The following LIN52 variants were observed in gnomAD, a reference collection of about 807,000 sequenced individuals.
The protein encoded by LIN52 is lin-52 DREAM MuvB core complex component.
Under a neutral mutation model 18.5 loss-of-function variants are expected in LIN52, and 4 were observed. The ratio of observed to expected loss-of-function variants is 0.22; its 90% CI spans 0.11 to 0.49. LIN52 has a LOEUF of 0.49. Among genes scored for constraint, LIN52 ranks in the 20% least tolerant of loss-of-function variants. The probability of loss-of-function intolerance (pLI) is 0.97; values close to 1 mark genes in which losing one functional copy is unlikely to be tolerated. For missense variants in LIN52, 102 were observed against 139.5 expected, an observed-to-expected ratio of 0.73 and a Z score of 1.35; for synonymous variants, 34 against 45.5, an observed-to-expected ratio of 0.75 and a Z score of 1.02.
At chr14:74,093,469 G>A (rs963774478) in intron 2 of LIN52, among the ~76,000 whole-genome samples, 3 of 151,676 alleles carry the variant, frequency 2.0e-5, no homozygotes, top group Non-Finnish European at 4.4e-5. Flanking sequence ...GGGATCACAG[G>A]TGCATGCCAC....
chr14:74,098,734 GATGGGGT>G (rs2060832706), intron 4 of LIN52, among the ~76,000 whole-genome samples: 1 of 152,006 alleles, frequency 6.6e-6, no homozygotes, highest in African/African-American at 2.4e-5. Flanking sequence ...TTTTAGTAGA[GATGGGGT>G]TTCACCATGT....
chr14:74,133,425 G>T (rs1236129253), intron 5 of LIN52, among the ~76,000 whole-genome samples: 2 of 152,106 alleles, frequency 1.3e-5, no homozygotes, highest in Non-Finnish European at 2.9e-5. Context: ...TATTATTTAA[G>T]AAATAGATAT....
chr14:74,091,641 G>A (rs1039595876), intron 2 of LIN52, among the ~76,000 whole-genome samples: 7 of 151,862 alleles, frequency 4.6e-5, no homozygotes, highest in Non-Finnish European at 8.8e-5. Flanking sequence ...GGATGTGGTG[G>A]CACACACCTG....
intron 1 of LIN52, among the ~76,000 whole-genome samples, chr14:74,088,388 C>G (rs924474009): frequency 3.3e-5 from 5 of 151,898 alleles, no homozygotes; most frequent in African/African-American, 1.2e-4. Context: ...ACCATGCCCC[C>G]ACCTTATTAT....
intron 5 of LIN52, among the ~76,000 whole-genome samples, chr14:74,175,323 A>C (rs2061288134): frequency 6.6e-6 from 1 of 151,858 alleles, no homozygotes; most frequent in South Asian, 2.1e-4. Context: ...CTTAAAACAC[A>C]AGGCTGGGGC....
intron 5 of LIN52, among the ~76,000 whole-genome samples, chr14:74,139,020 TAA>T (rs144807819): frequency 8.6e-5 from 13 of 151,660 alleles, no homozygotes; most frequent in African/African-American, 3.1e-4. Flanking sequence ...CATCAAGGAC[TAA>T]AGTTTCCATC....
chr14:74,175,618 G>C (rs937327473), intron 5 of LIN52, among the ~76,000 whole-genome samples: 2 of 151,704 alleles, frequency 1.3e-5, no homozygotes, highest in African/African-American at 2.4e-5. Flanking sequence ...GATTGCTTGA[G>C]CCCAGGAGTG....
chr14:74,155,011 C>G (rs888438062), intron 5 of LIN52, among the ~76,000 whole-genome samples: 2 of 152,118 alleles, frequency 1.3e-5, no homozygotes, highest in African/African-American at 4.8e-5. Flanking sequence ...ATTTCAAACT[C>G]TTTTATGTAA....
intron 5 of LIN52, among the ~76,000 whole-genome samples, chr14:74,184,002 G>T (rs2061330684): frequency 6.6e-6 from 1 of 152,112 alleles, no homozygotes; most frequent in Non-Finnish European, 1.5e-5. Context: ...TGAATCTTAA[G>T]TCTCTTTTAA....
At chr14:74,130,004 AAG>A (rs1373189182) in intron 5 of LIN52, among the ~76,000 whole-genome samples, 1 of 152,122 alleles carries the variant, frequency 6.6e-6, no homozygotes, top group African/African-American at 2.4e-5. Flanking sequence ...GGCAGGCAAA[AAG>A]AGAGCTTGGG....
chr14:74,096,528 C>T (rs2060814580), intron 3 of LIN52, among the ~76,000 whole-genome samples: 1 of 151,466 alleles, frequency 6.6e-6, no homozygotes, highest in Non-Finnish European at 1.5e-5. Flanking sequence ...AAAAAAATAC[C>T]TACTTTATAG....
intron 5 of LIN52, among the ~76,000 whole-genome samples, chr14:74,173,247 G>C (rs1240531494): frequency 6.6e-6 from 1 of 152,106 alleles, no homozygotes; most frequent in Non-Finnish European, 1.5e-5. Flanking sequence ...GAGTGCAATG[G>C]CATGATCTCA....
intron 1 of LIN52, among the ~76,000 whole-genome samples, chr14:74,086,861 A>G (rs942176524): frequency 3.9e-5 from 6 of 152,120 alleles, no homozygotes; most frequent in African/African-American, 1.4e-4. Flanking sequence ...GAATGTGATG[A>G]TTGCACAATT....
intron 1 of LIN52, among the ~76,000 whole-genome samples, chr14:74,086,328 C>G (rs1054666210): frequency 6.6e-6 from 1 of 152,018 alleles, no homozygotes; most frequent in African/African-American, 2.4e-5. Flanking sequence ...TTAACCGAGT[C>G]TTAAATTTTG....
intron 5 of LIN52, among the ~76,000 whole-genome samples, chr14:74,126,396 G>T (rs2061030204): frequency 6.6e-6 from 1 of 152,138 alleles, no homozygotes; most frequent in African/African-American, 2.4e-5. Flanking sequence ...ATACCCAAAA[G>T]AATTGAAAAC....
intron 5 of LIN52, among the ~76,000 whole-genome samples, chr14:74,169,351 G>C (rs1344745760): frequency 6.6e-6 from 1 of 152,036 alleles, no homozygotes; most frequent in Non-Finnish European, 1.5e-5. Flanking sequence ...ATTCCAAGAA[G>C]TATCCTTTCT....
chr14:74,151,085 G>C (rs1194234234), intron 5 of LIN52, among the ~76,000 whole-genome samples: 1 of 152,024 alleles, frequency 6.6e-6, no homozygotes, highest in Non-Finnish European at 1.5e-5. Context: ...CATTAATTGA[G>C]GTCACCGGCA....
In LIN52 at chr14:74,200,822, C is replaced by CGT. The variant is rs1283512374; in HGVS notation, c.*1846_*1847insTG. On this transcript the variant is annotated 3_prime_UTR_variant, in exon 6 of 6. Transcript: ENST00000555028. ...GTTGAAGAGTGTGTGTGTGTGTGTG[C>CGT]GCGCGCGCATGTGGCCAAAAAATAG... 2.8e-5 allele frequency: 4 copies of CGT among 143,668 alleles called. No individual in the cohort carries two copies. Among genetic ancestry groups the CGT allele is most frequent in the East Asian group, 2.0e-4 (1 of 4,956 alleles). The allele number at this position is 143,668 out of a possible 1,614,324, so 8.9% of individuals were successfully genotyped here. A position where few individuals can be genotyped will look rare whatever the true frequency, so the allele number is the denominator to read the frequency against.
At chr14:74,138,231 C>T (rs1334332409) in intron 5 of LIN52, among the ~76,000 whole-genome samples, 1 of 152,086 alleles carries the variant, frequency 6.6e-6, no homozygotes, top group South Asian at 2.1e-4. Flanking sequence ...GGTAAATAAT[C>T]CAGGGAACAC....
Sources: gnomAD v4.1 joint callset for allele counts (sites outside exome capture counted in the v4.1 genomes callset) on GRCh38, gnomAD v4.1.1 for gene constraint, MANE v1.5 for transcripts, NCBI Gene and HGNC (gene_info 2026-07-23, HGNC 2026-07-21) for gene names.